The following GRID2 variants were observed in gnomAD, a reference collection of about 807,000 sequenced individuals.
GRID2 encodes glutamate receptor ionotropic, delta-2.
GRID2 carries 33 observed loss-of-function variants against 114.8 expected under a neutral mutation model. That is an observed-to-expected ratio of 0.29 (90% CI 0.22 to 0.38). The LOEUF (loss-of-function observed/expected upper bound fraction) is 0.38, where lower values mean the gene tolerates loss of function less well. GRID2 is among the 10% of genes least tolerant of loss of function. The pLI is 1.00. For missense variants in GRID2, 1,184 were observed against 1,257.7 expected (o/e 0.94, Z 0.89); for synonymous variants, 505 against 449.9 (o/e 1.12, Z -1.55).
chr4:92,592,190 T>C (rs902636909), intron 2 of GRID2, among the ~76,000 whole-genome samples: 1 of 152,090 alleles, frequency 6.6e-6, no homozygotes, highest in Non-Finnish European at 1.5e-5. Context: ...TTAACTCTTA[T>C]TTGTAAGGAC....
intron 13 of GRID2, among the ~76,000 whole-genome samples, chr4:93,546,376 C>T (rs797011356): frequency 2.5e-4 from 38 of 152,004 alleles, no homozygotes; most frequent in African/African-American, 9.2e-4. Context: ...GATGAGATAC[C>T]CTGAGGAGAA....
intron 1 of GRID2, among the ~76,000 whole-genome samples, chr4:92,309,448 G>A (rs1165378086): frequency 6.6e-6 from 1 of 151,494 alleles, no homozygotes; most frequent in Non-Finnish European, 1.5e-5. Context: ...ATAGTATAAT[G>A]TTTATTAGAA....
intron 1 of GRID2, among the ~76,000 whole-genome samples, chr4:92,504,988 A>G (rs1249956147): frequency 1.3e-5 from 2 of 152,044 alleles, no homozygotes; most frequent in South Asian, 4.1e-4. Flanking sequence ...AAATATTGCA[A>G]GAAACATTTT....
At chr4:93,323,970 A>G (rs1042560915) in intron 8 of GRID2, among the ~76,000 whole-genome samples, 2 of 152,136 alleles carry the variant, frequency 1.3e-5, no homozygotes, top group Non-Finnish European at 2.9e-5. Flanking sequence ...GGTTTTCTAA[A>G]TGTACAATCA....
intron 4 of GRID2, among the ~76,000 whole-genome samples, chr4:93,112,452 T>G (rs1732859509): frequency 6.6e-6 from 1 of 152,094 alleles, no homozygotes; most frequent in Non-Finnish European, 1.5e-5. Flanking sequence ...TCATGAGATC[T>G]GATTGTTTAA....
At chr4:93,789,325 A>G (rs1288953688) in intron 1 of GRID2, among the ~76,000 whole-genome samples, 29 of 152,240 alleles carry the variant, frequency 1.9e-4, no homozygotes, top group Non-Finnish European at 5.9e-5. Context: ...TATCTTGTCT[A>G]AAAATACTTA....
chr4:93,718,485 C>A (rs768526770), intron 14 of GRID2, among the ~76,000 whole-genome samples: 3 of 152,136 alleles, frequency 2.0e-5, no homozygotes, highest in Non-Finnish European at 4.4e-5. Context: ...GCCAAGGATA[C>A]CTTCTTTGAA....
chr4:93,090,563 A>T (rs963269745), intron 3 of GRID2, among the ~76,000 whole-genome samples: 1 of 152,180 alleles, frequency 6.6e-6, no homozygotes, highest in Non-Finnish European at 1.5e-5. Flanking sequence ...CCATAGTAGG[A>T]TAAACTGCCC....
At chr4:92,561,571 G>A (rs35981540) in intron 1 of GRID2, among the ~76,000 whole-genome samples, 32,412 of 152,078 alleles carry the variant, frequency 0.21, 3,798 homozygotes, top group South Asian at 0.3. Flanking sequence ...TATGTTGTGT[G>A]CATCTTTTAA....
intron 2 of GRID2, among the ~76,000 whole-genome samples, chr4:92,859,626 A>T (rs910065775): frequency 3.9e-4 from 59 of 152,208 alleles, no homozygotes; most frequent in Non-Finnish European, 1.5e-4. Context: ...CCTTGTAAAA[A>T]TTCAAACAAT....
intron 1 of GRID2, among the ~76,000 whole-genome samples, chr4:92,377,976 T>A (rs1729435113): frequency 6.6e-6 from 1 of 152,104 alleles, no homozygotes; most frequent in Non-Finnish European, 1.5e-5. Context: ...TAGAATTTTG[T>A]AATACTGTTT....
intron 14 of GRID2, among the ~76,000 whole-genome samples, chr4:93,648,379 T>C (rs535185623): frequency 2.0e-5 from 3 of 152,210 alleles, no homozygotes; most frequent in African/African-American, 7.2e-5. Flanking sequence ...CCCTAAGGAC[T>C]GATATTAAAG....
intron 14 of GRID2, among the ~76,000 whole-genome samples, chr4:93,712,034 T>G (rs2110169450): frequency 6.6e-6 from 1 of 152,260 alleles, no homozygotes; most frequent in East Asian, 1.9e-4. Context: ...TTTAATACAT[T>G]AGGGATAAGA....
At chr4:92,616,835 G>A (rs904938982) in intron 2 of GRID2, among the ~76,000 whole-genome samples, 8 of 151,210 alleles carry the variant, frequency 5.3e-5, no homozygotes, top group Non-Finnish European at 1.2e-4. Flanking sequence ...TTGCTTTTTT[G>A]ATTGCTGTTT....
intron 2 of GRID2, among the ~76,000 whole-genome samples, chr4:92,787,860 T>C (rs1280003157): frequency 6.6e-6 from 1 of 151,818 alleles, no homozygotes; most frequent in African/African-American, 2.4e-5. Flanking sequence ...ATTCTGACTA[T>C]CTTTTGAAGT....
intron 2 of GRID2, among the ~76,000 whole-genome samples, chr4:93,063,885 T>C (rs1363820921): frequency 1.3e-5 from 2 of 151,590 alleles, no homozygotes; most frequent in Non-Finnish European, 3.0e-5. Flanking sequence ...TTGTATTTTA[T>C]TCACCAAAGC....
chr4:92,482,091 A>G (rs996239070), intron 1 of GRID2, among the ~76,000 whole-genome samples: 6 of 144,906 alleles, frequency 4.1e-5, no homozygotes, highest in African/African-American at 1.5e-4. Flanking sequence ...CAAGATTTAT[A>G]TATATCTATA....
At chr4:92,496,788 C>A (rs1723408972) in intron 1 of GRID2, among the ~76,000 whole-genome samples, 1 of 151,502 alleles carries the variant, frequency 6.6e-6, no homozygotes, top group Admixed American at 6.6e-5. Context: ...CTGTGGCTAA[C>A]CAGAAGGGAC....
chr4:93,440,185 A>C (rs991753156), intron 10 of GRID2, among the ~76,000 whole-genome samples: 2 of 152,102 alleles, frequency 1.3e-5, no homozygotes, highest in African/African-American at 2.4e-5. Flanking sequence ...AGAGTCTTAC[A>C]TATTTTCATT....
Sources: gnomAD v4.1 joint callset for allele counts (sites outside exome capture counted in the v4.1 genomes callset) on GRCh38, gnomAD v4.1.1 for gene constraint, MANE v1.5 for transcripts, NCBI Gene and HGNC (gene_info 2026-07-23, HGNC 2026-07-21) for gene names.